Variants in DMD observed in about 807,000 individuals in gnomAD.
The protein encoded by DMD is mutant dystrophin.
Under a neutral mutation model 330.1 loss-of-function variants are expected in DMD, and 63 were observed. The ratio of observed to expected loss-of-function variants is 0.19; its 90% CI spans 0.16 to 0.24. DMD has a LOEUF of 0.24. Ranked by LOEUF, DMD falls within the 10% of genes least tolerant of loss-of-function variation. The pLI, the probability that DMD is intolerant of heterozygous loss-of-function variation, is 1.00. For missense variants in DMD, 3,344 were observed against 2,684.1 expected, an observed-to-expected ratio of 1.25 and a Z score of -5.43; for synonymous variants, 1,223 against 959.8, an observed-to-expected ratio of 1.27 and a Z score of -5.07.
intron 53 of DMD, among the ~76,000 whole-genome samples, chrX:31,674,953 A>T (rs944364266): frequency 9.8e-5 from 11 of 112,503 alleles, no homozygotes; most frequent in African/African-American, 3.5e-4. Flanking sequence ...GTCATAGCCT[A>T]TTGGCAAAGA....
chrX:33,036,877 G>T (rs1397171721), intron 1 of DMD, among the ~76,000 whole-genome samples: 1 of 109,799 alleles, frequency 9.1e-6, no homozygotes, highest in Non-Finnish European at 1.9e-5. Flanking sequence ...TTTAGACTTG[G>T]GTCTTAGAAT....
At chrX:32,998,942 G>C (rs1043165563) in intron 2 of DMD, among the ~76,000 whole-genome samples, 1 of 111,766 alleles carries the variant, frequency 8.9e-6, no homozygotes, top group African/African-American at 3.3e-5. Flanking sequence ...TAGTTTATAG[G>C]CTAATAATGG....
At chrX:32,739,270 T>C (rs1351551950) in intron 7 of DMD, among the ~76,000 whole-genome samples, 1 of 112,018 alleles carries the variant, frequency 8.9e-6, no homozygotes, top group African/African-American at 3.2e-5. Flanking sequence ...ACTGTTCACA[T>C]GGCTTCTGAG....
chrX:31,511,738 G>A (rs2071620113), intron 55 of DMD, among the ~76,000 whole-genome samples: 2 of 107,694 alleles, frequency 1.9e-5, no homozygotes, highest in East Asian at 2.9e-4. Context: ...TATCACTGTT[G>A]GACATTTGGG....
At chrX:31,138,784 A>G (rs193179866) in intron 76 of DMD, among the ~76,000 whole-genome samples, 35 of 110,662 alleles carry the variant, frequency 3.2e-4, no homozygotes, top group African/African-American at 1.1e-3. Flanking sequence ...TTCATGATCC[A>G]GTCACCTCCC....
At chrX:31,508,221 G>A (rs1331369707) in intron 55 of DMD, 1 of 1,203,655 alleles carries the variant, frequency 8.3e-7, no homozygotes, top group South Asian at 1.8e-5. Flanking sequence ...TACATGGTAT[G>A]TCTTCCTGTG....
At chrX:32,855,909 T>TACCC (rs1457638252) in intron 2 of DMD, among the ~76,000 whole-genome samples, 2 of 111,510 alleles carry the variant, frequency 1.8e-5, no homozygotes, top group African/African-American at 6.5e-5. Flanking sequence ...ACTGGCCAAC[T>TACCC]ACCCACCTGA....
intron 43 of DMD, among the ~76,000 whole-genome samples, chrX:32,278,639 A>G (rs1378644600): frequency 8.9e-6 from 1 of 111,934 alleles, no homozygotes; most frequent in East Asian, 2.8e-4. Context: ...AATGCTCACC[A>G]TCACTGGCCA....
At chrX:32,246,406 A>C (rs1278454669) in intron 43 of DMD, among the ~76,000 whole-genome samples, 1 of 86,710 alleles carries the variant, frequency 1.2e-5, no homozygotes, top group African/African-American at 4.3e-5. Context: ...TTCATCAAGG[A>C]TATTGGTCTA....
chrX:31,478,212 T>C lies in DMD; in HGVS notation c.8831A>G (p.Asp2944Gly), dbSNP rs761658825. Residue 2944 changes from aspartate (D) to glycine (G), a missense_variant, in exon 59 of 79, where the codon GAT becomes GGT. Asp to Gly is a moderately conservative substitution (Grantham distance 94). Transcript: ENST00000357033. ...ERLRELQEAT[D>G]ELDLKLRQAE... ...TTGGCGCAGCTTGAGGTCCAGCTCATCCGTGGCCTCTTGAAGTTCCCGGAG... is the reference window on the plus strand; with the variant it reads ...TTGGCGCAGCTTGAGGTCCAGCTCACCCGTGGCCTCTTGAAGTTCCCGGAG... 8.3e-7 allele frequency: 1 copy of C among 1,211,344 alleles called. No individual in the cohort carries two copies. Among genetic ancestry groups the C allele is most frequent in the Non-Finnish European group, 1.1e-6 (1 of 895,392 alleles).
At chrX:32,736,609 C>CT (rs2068521181) in intron 7 of DMD, among the ~76,000 whole-genome samples, 2 of 110,157 alleles carry the variant, frequency 1.8e-5, no homozygotes, top group Admixed American at 1.9e-4. Flanking sequence ...AGTTCATGTC[C>CT]TTTGTAGGGA....
intron 13 of DMD, among the ~76,000 whole-genome samples, chrX:32,579,673 A>G (rs1601851813): frequency 8.8e-6 from 1 of 113,014 alleles, no homozygotes; most frequent in African/African-American, 3.2e-5. Context: ...GCTTAATGTT[A>G]TAATTTGATT....
At chrX:32,864,418 G>T (rs1427206559) in intron 2 of DMD, among the ~76,000 whole-genome samples, 1 of 112,169 alleles carries the variant, frequency 8.9e-6, no homozygotes, top group Non-Finnish European at 1.9e-5. Context: ...TCAGGGGCAA[G>T]GGTTAGGTGA....
Position 32,565,956 on chromosome X carries a change from C to T in DMD, c.1813-75G>A, listed in dbSNP as rs960242070. 4.0e-5 allele frequency: 37 copies of T among 922,918 alleles called. 1 individual carries two copies. Among genetic ancestry groups the T allele is most frequent in the Admixed American group, 3.0e-4 (12 of 39,921 alleles). The allele number at this position is 922,918 out of a possible 1,213,427, so 76.1% of individuals were successfully genotyped here. On this transcript the variant is annotated intron_variant, in intron 15 of 78. Transcript: ENST00000357033. ...ACCACTATAGTTCAATCTGCTTTTGCGTGTATTTGCTCATTTGCATAGATA... is the reference window on the plus strand; with the variant it reads ...ACCACTATAGTTCAATCTGCTTTTGTGTGTATTTGCTCATTTGCATAGATA...
chrX:31,784,305 T>A (rs1481768481), intron 50 of DMD, among the ~76,000 whole-genome samples: 3 of 111,471 alleles, frequency 2.7e-5, no homozygotes, highest in Non-Finnish European at 5.7e-5. Flanking sequence ...AGATATTACC[T>A]CACAACCATG....
chrX:31,254,911 G>A (rs1228443357), intron 63 of DMD, among the ~76,000 whole-genome samples: 3 of 108,626 alleles, frequency 2.8e-5, no homozygotes, highest in Admixed American at 1.0e-4. Context: ...CAGACACGGT[G>A]GCACACGGCT....
intron 1 of DMD, among the ~76,000 whole-genome samples, chrX:33,186,730 C>G (rs2050281692): frequency 9.0e-6 from 1 of 110,941 alleles, no homozygotes; most frequent in South Asian, 3.8e-4. Context: ...TGTAATTTCA[C>G]CCTAGATACA....
chrX:32,915,068 T>C lies in DMD; in HGVS notation c.94-65248A>G, dbSNP rs140625551. Among the ~76,000 whole-genome samples, 954 of 111,801 alleles carry C rather than the reference T, an allele frequency of 8.5e-3. 10 individuals are homozygous for C. The highest frequency in any genetic ancestry group is 0.03 in the African/African-American group (909 of 30,804). ...CTACACTAAACTGGAACAAATATTGTTGAAACATATGTATCTGATAAAACA... is the reference window on the plus strand; with the variant it reads ...CTACACTAAACTGGAACAAATATTGCTGAAACATATGTATCTGATAAAACA... On this transcript the variant is annotated intron_variant, in intron 2 of 78. Coordinates refer to ENST00000357033, the MANE Select transcript of DMD (RefSeq NM_004006.3).
At chrX:31,818,443 G>A (rs377035404) in intron 50 of DMD, among the ~76,000 whole-genome samples, 4 of 110,812 alleles carry the variant, frequency 3.6e-5, no homozygotes, top group Admixed American at 1.9e-4. Flanking sequence ...AATGGATTTC[G>A]GCGCCCTGGT....
Sources: gnomAD v4.1 joint callset for allele counts (sites outside exome capture counted in the v4.1 genomes callset) on GRCh38, gnomAD v4.1.1 for gene constraint, MANE v1.5 for transcripts, NCBI Gene and HGNC (gene_info 2026-07-23, HGNC 2026-07-21) for gene names.